ADGRL2: variants seen among roughly 807,000 people sequenced by gnomAD.
ADGRL2 encodes calcium-independent alpha-latrotoxin receptor 2.
In ADGRL2, 44 loss-of-function variants were observed where a neutral mutation model predicts 157.4. The ratio of observed to expected loss-of-function variants is 0.28; its 90% confidence interval spans 0.22 to 0.36. ADGRL2 has a LOEUF of 0.36. Ranked by LOEUF, ADGRL2 falls within the 10% of genes least tolerant of loss-of-function variation. The probability of loss-of-function intolerance (pLI) is 1.00; values close to 1 mark genes in which losing one functional copy is unlikely to be tolerated. For missense variants in ADGRL2, 1,510 were observed against 1,768.9 expected (o/e 0.85, Z 2.63); for synonymous variants, 585 against 624.7 (o/e 0.94, Z 0.95).
chr1:81,345,302 T>C (rs1055960845), intron 1 of ADGRL2, among the ~76,000 whole-genome samples: 1 of 151,378 alleles, frequency 6.6e-6, no homozygotes. Context: ...GGCTGCATTC[T>C]CTCTCTCTCT....
chr1:81,326,273 G>A (rs1336763701), intron 1 of ADGRL2, among the ~76,000 whole-genome samples: 3 of 152,140 alleles, frequency 2.0e-5, no homozygotes, highest in Admixed American at 6.5e-5. Context: ...ATAATTGTGT[G>A]CTTTGTGATT....
intron 2 of ADGRL2, among the ~76,000 whole-genome samples, chr1:81,872,060 T>A (rs1253216385): frequency 6.6e-6 from 1 of 152,184 alleles, no homozygotes; most frequent in Non-Finnish European, 1.5e-5. Context: ...TTTTTATGGT[T>A]TTAGGTCTGA....
intron 1 of ADGRL2, among the ~76,000 whole-genome samples, chr1:81,378,267 T>C (rs1014620803): frequency 1.3e-5 from 2 of 152,062 alleles, no homozygotes; most frequent in Non-Finnish European, 2.9e-5. Context: ...GGTGTCCAAG[T>C]TCACCAGGCG....
At chr1:81,873,341 G>C (rs1330001803) in intron 2 of ADGRL2, among the ~76,000 whole-genome samples, 1 of 152,016 alleles carries the variant, frequency 6.6e-6, no homozygotes, top group Admixed American at 6.6e-5. Flanking sequence ...TTTGCTATGT[G>C]AGTACTTGTT....
chr1:81,374,973 C>A (rs2076224492), intron 1 of ADGRL2, among the ~76,000 whole-genome samples: 1 of 152,164 alleles, frequency 6.6e-6, no homozygotes, highest in Non-Finnish European at 1.5e-5. Flanking sequence ...TCATTTGAGA[C>A]CACGGCTGGG....
chr1:81,703,057 A>G (rs1412319529), intron 1 of ADGRL2, among the ~76,000 whole-genome samples: 1 of 152,238 alleles, frequency 6.6e-6, no homozygotes, highest in Admixed American at 6.5e-5. Flanking sequence ...GCTGATTAAT[A>G]CAGCGTGAGA....
In ADGRL2 at chr1:81,951,125, G is replaced by A; in HGVS notation, c.1608+4G>A. On this transcript the variant is annotated splice_donor_region_variant and intron_variant, in intron 8 of 23. Coordinates refer to ENST00000686636, the MANE Select transcript of ADGRL2 (RefSeq NM_001366006.2). ...GGTGAATCAGCTGGCTCAGAAGGTT[G>A]GTTGGAACCTTTTAATATGACACAT... 6.3e-7 allele frequency: 1 copy of A among 1,596,872 alleles called. No homozygotes were observed. The highest frequency in any genetic ancestry group is 2.2e-5 in the East Asian group (1 of 44,748).
At chr1:81,405,524 C>T (rs2076837416) in intron 1 of ADGRL2, among the ~76,000 whole-genome samples, 1 of 151,600 alleles carries the variant, frequency 6.6e-6, no homozygotes, top group Admixed American at 6.6e-5. Context: ...GTGTTGCCCA[C>T]CTGCAGTCTC....
chr1:81,399,443 C>T (rs1030661113), intron 1 of ADGRL2, among the ~76,000 whole-genome samples: 1 of 152,142 alleles, frequency 6.6e-6, no homozygotes, highest in East Asian at 1.9e-4. Flanking sequence ...AGTGGTATCG[C>T]ATAAGTCTTG....
chr1:81,682,492 G>A (rs1268226285), intron 3 of ADGRL2, among the ~76,000 whole-genome samples: 5 of 152,162 alleles, frequency 3.3e-5, no homozygotes, highest in South Asian at 4.1e-4. Flanking sequence ...CTCTTTGGAT[G>A]TGAGGCTAGT....
At chr1:81,459,154 A>G (rs574907929) in intron 2 of ADGRL2, among the ~76,000 whole-genome samples, 2 of 152,232 alleles carry the variant, frequency 1.3e-5, no homozygotes, top group East Asian at 1.9e-4. Context: ...GCACCACTCA[A>G]TTGGTTTAAA....
intron 3 of ADGRL2, among the ~76,000 whole-genome samples, chr1:81,646,285 T>C (rs2148821761): frequency 6.6e-6 from 1 of 152,328 alleles, no homozygotes; most frequent in South Asian, 2.1e-4. Flanking sequence ...TAAGAGAGTG[T>C]ACCAGCAATT....
At chr1:81,334,754 G>T (rs1455595726) in intron 1 of ADGRL2, among the ~76,000 whole-genome samples, 2 of 152,148 alleles carry the variant, frequency 1.3e-5, no homozygotes, top group Non-Finnish European at 2.9e-5. Flanking sequence ...AAAAGTAGTT[G>T]CTCACCTCTG....
intron 2 of ADGRL2, among the ~76,000 whole-genome samples, chr1:81,906,580 C>CAA: frequency 6.6e-6 from 1 of 152,174 alleles, no homozygotes; most frequent in East Asian, 1.9e-4. Context: ...TAAGATAATG[C>CAA]AATAGCAATT....
chr1:81,516,177 T>C (rs2079173627), intron 2 of ADGRL2, among the ~76,000 whole-genome samples: 1 of 152,214 alleles, frequency 6.6e-6, no homozygotes, highest in African/African-American at 2.4e-5. Context: ...AAATAGCTAG[T>C]CGATGTTTTA....
intron 1 of ADGRL2, among the ~76,000 whole-genome samples, chr1:81,721,259 A>C (rs2149125539): frequency 6.6e-6 from 1 of 151,936 alleles, no homozygotes; most frequent in South Asian, 2.1e-4. Flanking sequence ...AATTATAATC[A>C]AAATTTAACT....
rs940175856 is a variant in ADGRL2 at position 81,362,361 on chromosome 1, G to A, written c.-302+55852G>A. Reference sequence around the variant, plus strand: ...AAAGAACTCTTTTCATTATGTTCAAGGTTAATCTTATAACTTTTGCAGCTG... The same window carrying A: ...AAAGAACTCTTTTCATTATGTTCAAAGTTAATCTTATAACTTTTGCAGCTG... On this transcript the variant is annotated intron_variant, in intron 1 of 24. Coordinates refer to the ADGRL2 transcript ENST00000370721. Among the ~76,000 whole-genome samples the A allele has an allele frequency of 4.0e-5, 6 of 150,556 alleles. No individual in the cohort carries two copies. In the East Asian group the frequency reaches 9.8e-4, roughly 25 times the overall value.
intron 3 of ADGRL2, among the ~76,000 whole-genome samples, chr1:81,583,664 T>G (rs531842828): frequency 6.6e-6 from 1 of 152,100 alleles, no homozygotes; most frequent in South Asian, 2.1e-4. Flanking sequence ...TTTTTACATA[T>G]GTTGTGTCAG....
chr1:81,502,504 C>G, intron 2 of ADGRL2: 1 of 1,614,060 alleles, frequency 6.2e-7, no homozygotes, highest in Non-Finnish European at 8.5e-7. Flanking sequence ...GAATCCCCAT[C>G]ATGGCCAAAC....
Sources: gnomAD v4.1 joint callset for allele counts (sites outside exome capture counted in the v4.1 genomes callset) on GRCh38, gnomAD v4.1.1 for gene constraint, MANE v1.5 for transcripts, NCBI Gene and HGNC (gene_info 2026-07-23, HGNC 2026-07-21) for gene names.